The following POLA1 variants were observed in gnomAD, a reference collection of about 807,000 sequenced individuals.
POLA1 encodes DNA polymerase alpha catalytic subunit.
A neutral mutation model predicts 124.0 loss-of-function variants in POLA1; 15 were observed. That is an observed-to-expected ratio of 0.12 (90% CI 0.08 to 0.19). The LOEUF is 0.19. Ranked by LOEUF, POLA1 falls within the 10% of genes least tolerant of loss-of-function variation. The pLI, the probability that POLA1 is intolerant of heterozygous loss-of-function variation, is 1.00. For missense variants in POLA1, 886 were observed against 1,103.4 expected (o/e 0.80, Z 2.79); for synonymous variants, 408 against 389.4 (o/e 1.05, Z -0.56).
At chrX:24,770,602 CAAAG>C in intron 26 of POLA1, among the ~76,000 whole-genome samples, 3 of 111,539 alleles carry the variant, frequency 2.7e-5, no homozygotes, top group Non-Finnish European at 5.7e-5. Context: ...TTTTGGTACA[CAAAG>C]AATCTTCTGT....
intron 36 of POLA1, 87 bp downstream of exon 36, chrX:24,930,636 C>A: frequency 1.7e-6 from 1 of 602,350 alleles, no homozygotes; most frequent in Non-Finnish European, 2.8e-6. Context: ...GCTGTTCATG[C>A]AGCATCACAT....
intron 30 of POLA1, among the ~76,000 whole-genome samples, chrX:24,817,419 C>G (rs1420094510): frequency 9.1e-6 from 1 of 109,333 alleles, no homozygotes; most frequent in African/African-American, 3.3e-5. Context: ...ACCAGCCTGA[C>G]CAACATGGTG....
chrX:24,832,131 G>A (rs901040870), intron 32 of POLA1, among the ~76,000 whole-genome samples: 8 of 81,279 alleles, frequency 9.8e-5, no homozygotes, highest in Non-Finnish European at 2.0e-4. Flanking sequence ...GGCCCACCAC[G>A]GAAGAGTTTA....
chrX:24,694,944 GC>G (rs1927874824), intron 1 of POLA1, among the ~76,000 whole-genome samples: 1 of 112,040 alleles, frequency 8.9e-6, no homozygotes, highest in Admixed American at 9.4e-5. Flanking sequence ...GAGTCGACCT[GC>G]CTGGATTACA....
At chrX:24,904,473 C>T (rs1269287167) in intron 35 of POLA1, among the ~76,000 whole-genome samples, 2 of 108,062 alleles carry the variant, frequency 1.9e-5, no homozygotes, top group Non-Finnish European at 3.8e-5. Context: ...TTCAAGTAAC[C>T]TTATGGTGGC....
chrX:24,905,194 T>G (rs2047346481), intron 35 of POLA1, among the ~76,000 whole-genome samples: 1 of 109,194 alleles, frequency 9.2e-6, no homozygotes, highest in Admixed American at 9.9e-5. Flanking sequence ...ACTGCAAAAG[T>G]TTTGACAGCT....
intron 34 of POLA1, among the ~76,000 whole-genome samples, chrX:24,864,835 T>C (rs1364879945): frequency 9.0e-6 from 1 of 111,570 alleles, no homozygotes; most frequent in African/African-American, 3.3e-5. Context: ...TGGCAAATCA[T>C]TTTGTTCCCT....
rs755443106 is a variant in POLA1, at chrX:24,733,889, G to GA, written c.1833+79dup. The GA allele has an allele frequency of 4.3e-4, 230 of 538,809 alleles. 1 individual carries two copies. Among genetic ancestry groups the GA allele is most frequent in the Non-Finnish European group, 6.7e-4 (217 of 323,701 alleles). 44.4% of individuals were successfully genotyped at this position (538,809 alleles called of 1,213,427 possible). A position where few individuals can be genotyped will look rare whatever the true frequency, so the allele number is the denominator to read the frequency against. ...AAAAGGGGGGTGGTATGGACTAGTAGAAAAAAGGTGTTTTATATTTTATTA... is the reference window on the plus strand; with the variant it reads ...AAAAGGGGGGTGGTATGGACTAGTAGAAAAAAAGGTGTTTTATATTTTATTA... On this transcript the variant is annotated intron_variant, in intron 17 of 36. Transcript: ENST00000379068.
chrX:24,815,470 G>A (rs1043804766), intron 30 of POLA1, among the ~76,000 whole-genome samples: 2 of 111,040 alleles, frequency 1.8e-5, no homozygotes, highest in African/African-American at 6.5e-5. Flanking sequence ...AGTAATAGTT[G>A]TTTGGAGTGT....
At chrX:24,705,435 T>A (rs1023743193) in intron 4 of POLA1, among the ~76,000 whole-genome samples, 6 of 111,762 alleles carry the variant, frequency 5.4e-5, no homozygotes, top group Non-Finnish European at 1.1e-4. Context: ...TTTGCACCAT[T>A]AGTTTTCTCT....
chrX:24,851,312 G>C (rs1317899615), intron 34 of POLA1, among the ~76,000 whole-genome samples: 1 of 112,425 alleles, frequency 8.9e-6, no homozygotes, highest in Admixed American at 9.4e-5. Context: ...GCTATCAAGT[G>C]ACTCTCCCAG....
chrX:24,816,827 C>T (rs2045995452), intron 30 of POLA1, among the ~76,000 whole-genome samples: 1 of 111,293 alleles, frequency 9.0e-6, no homozygotes, highest in Non-Finnish European at 1.9e-5. Context: ...GTAACCCCCT[C>T]ATATGAATGA....
At chrX:24,716,236 G>C (rs906510080) in intron 6 of POLA1, 126 bp from the exon 7 acceptor site, 1 of 415,014 alleles carries the variant, frequency 2.4e-6, no homozygotes, top group Admixed American at 3.8e-5. Context: ...ATCGATGGGA[G>C]GGGGGAGGGG....
At chrX:24,831,659 G>A (rs1315260004) in intron 32 of POLA1, among the ~76,000 whole-genome samples, 1 of 111,944 alleles carries the variant, frequency 8.9e-6, no homozygotes, top group African/African-American at 3.2e-5. Flanking sequence ...GACCTCAGGT[G>A]ATCCGCCTGC....
At chrX:24,762,787 G>C (rs371999503) in intron 26 of POLA1, among the ~76,000 whole-genome samples, 2 of 110,473 alleles carry the variant, frequency 1.8e-5, no homozygotes, top group African/African-American at 6.6e-5. Flanking sequence ...GCCCAGGCTG[G>C]AGTACAGTGG....
At chrX:24,884,387 A>G (rs1338110762) in intron 34 of POLA1, among the ~76,000 whole-genome samples, 1 of 111,531 alleles carries the variant, frequency 9.0e-6, no homozygotes, top group African/African-American at 3.3e-5. Flanking sequence ...GAGCTCAGGC[A>G]ATCCACCTGC....
chrX:24,911,408 G>A (rs2047447247), intron 35 of POLA1, among the ~76,000 whole-genome samples: 3 of 111,227 alleles, frequency 2.7e-5, no homozygotes, highest in African/African-American at 6.5e-5. Flanking sequence ...AGAATCAGGT[G>A]AGTAAAGGAG....
At chrX:24,805,825 C>T (rs186311794) in intron 26 of POLA1, among the ~76,000 whole-genome samples, 117 of 110,277 alleles carry the variant, frequency 1.1e-3, no homozygotes, top group Non-Finnish European at 1.9e-3. Flanking sequence ...GTTTTCTAGC[C>T]GTTAGCACTT....
At chrX:24,972,037 T>G (rs961838235) in intron 36 of POLA1, among the ~76,000 whole-genome samples, 1 of 109,959 alleles carries the variant, frequency 9.1e-6, no homozygotes, top group Non-Finnish European at 1.9e-5. Flanking sequence ...GGCACGTTCT[T>G]GGCTCACTGC....
Sources: allele counts gnomAD v4.1 joint callset (sites outside exome capture counted in the v4.1 genomes callset), GRCh38; gene constraint gnomAD v4.1.1; transcripts MANE v1.5; gene names NCBI Gene and HGNC (gene_info 2026-07-23, HGNC 2026-07-21).